Variants in ASB9 observed in about 807,000 individuals in gnomAD.
ASB9 encodes ankyrin repeat and SOCS box containing 9, also known as ankyrin repeat and SOCS box protein 9.
ASB9 carries 5 observed loss-of-function variants against 16.6 expected under a neutral mutation model. The observed-to-expected ratio is 0.30, with a 90% CI of 0.16 to 0.63. The LOEUF is 0.63. Ranked by LOEUF, ASB9 falls within the 30% of genes least tolerant of loss-of-function variation. ASB9 has a pLI of 0.82. For synonymous variants in ASB9, 100 were observed against 86.4 expected (o/e 1.16, Z -0.87); for missense variants, 216 against 229.4 (o/e 0.94, Z 0.38).
At chrX:15,266,612 C>T (rs1168854645) in intron 1 of ASB9, among the ~76,000 whole-genome samples, 1 of 111,895 alleles carries the variant, frequency 8.9e-6, no homozygotes, top group Non-Finnish European at 1.9e-5. Context: ...CACTCCCACT[C>T]ACCCACCCTG....
At chrX:15,249,659 TC>T (rs1170705292) in intron 5 of ASB9, among the ~76,000 whole-genome samples, 1 of 112,532 alleles carries the variant, frequency 8.9e-6, no homozygotes, top group African/African-American at 3.2e-5. Flanking sequence ...TGTTAACTGA[TC>T]TGGTCTTGTA....
At chrX:15,249,051 G>T in intron 5 of ASB9, 116 bp from the exon 6 acceptor site, 1 of 726,836 alleles carries the variant, frequency 1.4e-6, no homozygotes, top group Non-Finnish European at 1.9e-6. Context: ...ATTGAGCACA[G>T]CAATCCTGGA....
chrX:15,246,308 A>G (rs1258268056), intron 6 of ASB9, among the ~76,000 whole-genome samples: 2 of 112,100 alleles, frequency 1.8e-5, no homozygotes, highest in Non-Finnish European at 3.8e-5. Context: ...TCAAGTCCAT[A>G]GACACAGAGC....
intron 1 of ASB9, among the ~76,000 whole-genome samples, chrX:15,268,161 G>A (rs1926685246): frequency 9.1e-6 from 1 of 109,498 alleles, no homozygotes; most frequent in African/African-American, 3.3e-5. Flanking sequence ...GTGAAACCCC[G>A]TCTCTACTAA....
rs753266392 is a variant in ASB9, at chrX:15,269,859, C to T, written c.16G>A (p.Gly6Arg). MDGKQ[G>R]GMDGSKPAGP... ...GCGGGCTTGCTCCCATCCATGCCCC[C>T]TTGTTTGCCATCCATGATGCTCTCT... is the stretch of plus-strand genomic sequence containing the variant. Residue 6 changes from glycine (G) to arginine (R), a missense_variant, in exon 1 of 7, where the codon GGG (glycine) becomes AGG (arginine). Coordinates refer to ENST00000380488, the MANE Select transcript of ASB9 (RefSeq NM_001031739.3). The T allele has an allele frequency of 5.8e-6, 7 of 1,206,211 alleles. No individual in the cohort carries two copies. The Admixed American group carries it at 8.8e-5, about 15-fold the overall frequency.
chrX:15,251,062 A>T (rs189223028), intron 4 of ASB9, among the ~76,000 whole-genome samples: 31 of 112,564 alleles, frequency 2.8e-4, no homozygotes, highest in African/African-American at 1.0e-3. Context: ...TAATGGTTTG[A>T]CCATAGGATG....
rs1555931692 is a variant in ASB9, at chrX:15,256,791, A to AAAG, written c.175-1948_175-1947insCTT. ...ACTCCGTCTCAAAAAAAAAAAAAAA[A>AAAG]AAAGAAAGAAAAAAATGTGCCAACT... On this transcript the variant is annotated intron_variant, in intron 2 of 6. Transcript: ENST00000380488. 1.7e-4 allele frequency among the ~76,000 whole-genome samples: 18 copies of AAAG among 107,076 alleles called. No homozygotes were observed. The East Asian group carries it at 3.0e-3, about 18-fold the overall frequency. The allele number at this position is 107,076 out of a possible 115,157, so 93.0% of individuals were successfully genotyped here.
intron 3 of ASB9, among the ~76,000 whole-genome samples, chrX:15,254,465 T>C (rs1647510988): frequency 8.9e-6 from 1 of 112,183 alleles, no homozygotes. Context: ...TTCATTACCT[T>C]CCGGCCATAA....
At chrX:15,253,821 G>A (rs1280033990) in intron 3 of ASB9, among the ~76,000 whole-genome samples, 1 of 111,568 alleles carries the variant, frequency 9.0e-6, no homozygotes, top group Non-Finnish European at 1.9e-5. Context: ...AATCTTTTAA[G>A]CAATGATATT....
intron 4 of ASB9, among the ~76,000 whole-genome samples, chrX:15,251,805 A>G (rs1040919662): frequency 8.9e-6 from 1 of 112,805 alleles, no homozygotes; most frequent in Non-Finnish European, 1.9e-5. Flanking sequence ...TCACTGAGAC[A>G]ATGTTCTTTA....
At chrX:15,257,521 T>C (rs1049687758) in intron 2 of ASB9, among the ~76,000 whole-genome samples, 13 of 111,730 alleles carry the variant, frequency 1.2e-4, no homozygotes, top group African/African-American at 3.6e-4. Context: ...CACAAAAAGT[T>C]TTCACCACAT....
chrX:15,267,550 C>A (rs1602168167), intron 1 of ASB9, among the ~76,000 whole-genome samples: 1 of 82,173 alleles, frequency 1.2e-5, no homozygotes, highest in African/African-American at 4.8e-5. Flanking sequence ...TGAGACCATC[C>A]TGGCTAACAT....
intron 3 of ASB9, 55 bp downstream of exon 3, chrX:15,254,682 A>G: frequency 2.1e-6 from 2 of 936,930 alleles, no homozygotes. Flanking sequence ...CAGAAGGGAT[A>G]TACATAGTCA....
chrX:15,252,383 A>G lies in ASB9; in HGVS notation c.304T>C (p.Trp102Arg). 10 of 1,205,853 alleles carry G rather than the reference A, an allele frequency of 8.3e-6. No individual in the cohort carries two copies. The highest frequency in any genetic ancestry group is 1.1e-5 in the Non-Finnish European group (10 of 893,221). Residue 102 changes from tryptophan to arginine, a missense_variant, in exon 4 of 7, where the codon TGG (tryptophan) becomes CGG (arginine). Coordinates refer to ENST00000380488, the MANE Select transcript of ASB9 (RefSeq NM_001031739.3). ...CAAGCATTAAACAGTGGAGTGTGCC[A>G]GTCTGCTGTCACACCATTCACCTGG... is the stretch of plus-strand genomic sequence containing the variant. Reference protein sequence around the residue: ...GAQVNGVTADWHTPLFNACVS... With the variant: ...GAQVNGVTADRHTPLFNACVS...
intron 4 of ASB9, among the ~76,000 whole-genome samples, chrX:15,251,493 G>A (rs761030857): frequency 3.6e-5 from 4 of 111,981 alleles, no homozygotes; most frequent in Non-Finnish European, 5.6e-5. Context: ...TGTATGCAGC[G>A]AATATGATGA....
chrX:15,255,721 A>G (rs1375102913), intron 2 of ASB9, among the ~76,000 whole-genome samples: 1 of 112,018 alleles, frequency 8.9e-6, no homozygotes, highest in East Asian at 2.8e-4. Flanking sequence ...TTAAGTTTTA[A>G]CATATTCACA....
At chrX:15,249,572 G>A (rs956964653) in intron 5 of ASB9, among the ~76,000 whole-genome samples, 3 of 112,622 alleles carry the variant, frequency 2.7e-5, no homozygotes, top group African/African-American at 9.7e-5. Context: ...AGCTTTCACT[G>A]TGACATGTGG....
At position 15,254,784 on chromosome X, in the gene ASB9, C is replaced by T; in HGVS notation, c.235G>A (p.Gly79Arg). ...HVSPLHEACL[G>R]GHLSCVKILL... ...ATCTTCACACAAGAGAGATGACCTC[C>T]AAGACAGGCTTCATGGAGTGGGGAA... Residue 79 changes from glycine (G) to arginine (R), a missense_variant, in exon 3 of 7, where the codon GGA (glycine) becomes AGA (arginine). Transcript: ENST00000380488. 1 of 1,211,071 alleles carries T rather than the reference C, an allele frequency of 8.3e-7. No individual in the cohort carries two copies. Among genetic ancestry groups the T allele is most frequent in the Non-Finnish European group, 1.1e-6 (1 of 895,172 alleles).
intron 3 of ASB9, 32 bp downstream of exon 3, chrX:15,254,705 G>T (rs1344577026): frequency 3.7e-6 from 4 of 1,092,913 alleles, no homozygotes; most frequent in Non-Finnish European, 3.8e-6. Context: ...TTTCATTCTT[G>T]GTTTCTAAGA....
Sources: allele counts gnomAD v4.1 joint callset (sites outside exome capture counted in the v4.1 genomes callset), GRCh38; gene constraint gnomAD v4.1.1; transcripts MANE v1.5; gene names NCBI Gene and HGNC (gene_info 2026-07-23, HGNC 2026-07-21).